NGEF: variants seen among roughly 807,000 people sequenced by gnomAD.
NGEF encodes the protein neuronal guanine nucleotide exchange factor.
A neutral mutation model predicts 80.9 loss-of-function variants in NGEF; 31 were observed. That is an observed-to-expected ratio of 0.38 (90% CI 0.29 to 0.52). NGEF has a LOEUF of 0.52. Among genes scored for constraint, NGEF ranks in the 20% least tolerant of loss-of-function variants. The pLI is 0.84. For synonymous variants in NGEF, 371 were observed against 370.2 expected (o/e 1.00, Z -0.03); for missense variants, 709 against 926.2 (o/e 0.77, Z 3.04).
chr2:232,891,000 C>A (rs949269434), intron 8 of NGEF: 2 of 483,102 alleles, frequency 4.1e-6, no homozygotes, highest in South Asian at 3.1e-5. Context: ...TCTACCTGCC[C>A]CCACCAGCTC....
chr2:232,905,212 C>T (rs1692468995), intron 5 of NGEF, among the ~76,000 whole-genome samples: 1 of 152,196 alleles, frequency 6.6e-6, no homozygotes, highest in South Asian at 2.1e-4. Context: ...CCTGATTGTC[C>T]TGCCTCAGCC....
chr2:232,954,797 G>A (rs548265805), intron 3 of NGEF, among the ~76,000 whole-genome samples: 1 of 151,970 alleles, frequency 6.6e-6, no homozygotes, highest in South Asian at 2.1e-4. Flanking sequence ...AGGGTGGCAG[G>A]TTGAGGAAGG....
Position 232,891,455 on chromosome 2 carries a change from G to A in NGEF, c.1175C>T (p.Ala392Val), listed in dbSNP as rs377471982. 75 of 1,613,180 alleles carry A rather than the reference G, an allele frequency of 4.6e-5. No individual in the cohort carries two copies. The highest frequency in any genetic ancestry group is 3.2e-4 in the African/African-American group (24 of 74,916). ...QEKAAFRELI[A>V]QLELDPKCRG... The stretch of plus-strand genomic sequence containing the variant: ...GCACTTGGGGTCGAGCTCTAGCTGC[G>A]CGATCAGCTCCCGGAAAGCTGCCTT... The change falls in exon 8 of 15, where the codon GCG becomes GTG. Residue 392 changes from alanine to valine, a missense_variant. Transcript: ENST00000264051.
intron 3 of NGEF, chr2:232,928,259 G>C (rs902237142): frequency 6.6e-6 from 5 of 762,770 alleles, no homozygotes; most frequent in Non-Finnish European, 7.9e-6. Context: ...CGGGGCGGGG[G>C]CGCCCGGGCT....
At chr2:232,987,026 T>C (rs1694545474) in intron 1 of NGEF, among the ~76,000 whole-genome samples, 1 of 151,558 alleles carries the variant, frequency 6.6e-6, no homozygotes, top group Admixed American at 6.6e-5. Flanking sequence ...TCTTTCTTTC[T>C]TTTTTTTTGA....
At chr2:232,881,828 C>T (rs538868333) in intron 13 of NGEF, among the ~76,000 whole-genome samples, 14 of 152,310 alleles carry the variant, frequency 9.2e-5, no homozygotes, top group African/African-American at 1.7e-4. Context: ...CCACCCGCCT[C>T]GGCCTCCCAA....
intron 9 of NGEF, 55 bp from the exon 10 acceptor site, chr2:232,885,424 TCCTC>T (rs1691646863): frequency 6.8e-7 from 1 of 1,478,544 alleles, no homozygotes; most frequent in African/African-American, 1.4e-5. Context: ...CCCGGCCCCT[TCCTC>T]CAGCTCGGTC....
intron 3 of NGEF, among the ~76,000 whole-genome samples, chr2:232,959,579 CTTTT>C (rs10663890): frequency 7.1e-6 from 1 of 139,934 alleles, no homozygotes; most frequent in Non-Finnish European, 1.5e-5. Flanking sequence ...CAGCAATGAC[CTTTT>C]TTTTTTTTTT....
intron 1 of NGEF, among the ~76,000 whole-genome samples, chr2:232,998,964 C>T (rs897975236): frequency 2.6e-5 from 4 of 152,160 alleles, no homozygotes; most frequent in African/African-American, 7.2e-5. Flanking sequence ...AGCATAACTG[C>T]GTGCCACACT....
intron 3 of NGEF, chr2:232,928,234 G>A: frequency 1.1e-6 from 1 of 942,814 alleles, no homozygotes; most frequent in Non-Finnish European, 1.3e-6. Flanking sequence ...CGGCGGGGGC[G>A]AGGCCGGGCG....
At chr2:232,907,433 A>G (rs1039676273) in intron 5 of NGEF, among the ~76,000 whole-genome samples, 1 of 152,224 alleles carries the variant, frequency 6.6e-6, no homozygotes, top group Non-Finnish European at 1.5e-5. Context: ...GATCTGATAC[A>G]GAAGTCACTG....
intron 1 of NGEF, among the ~76,000 whole-genome samples, chr2:233,010,899 G>A (rs1318969416): frequency 6.6e-6 from 1 of 152,148 alleles, no homozygotes; most frequent in Non-Finnish European, 1.5e-5. Context: ...GTGGTCCCAG[G>A]CCAAGGGAAG....
chr2:232,945,046 C>T (rs1693528004), intron 3 of NGEF, among the ~76,000 whole-genome samples: 1 of 151,986 alleles, frequency 6.6e-6, no homozygotes, highest in Admixed American at 6.5e-5. Context: ...GCCACCACGC[C>T]TGGCCTATAG....
chr2:232,926,275 C>G (rs1269051915), intron 4 of NGEF, among the ~76,000 whole-genome samples: 1 of 151,952 alleles, frequency 6.6e-6, no homozygotes, highest in Admixed American at 6.6e-5. Context: ...GTAAGGGAAC[C>G]TATATCATTC....
intron 6 of NGEF, 106 bp downstream of exon 6, chr2:232,894,650 T>C: frequency 9.2e-7 from 1 of 1,087,154 alleles, no homozygotes; most frequent in Non-Finnish European, 1.3e-6. Context: ...TCCAAACATC[T>C]GGAAGTAGAG....
intron 3 of NGEF, among the ~76,000 whole-genome samples, chr2:232,968,626 G>A (rs6725140): frequency 0.25 from 37,258 of 151,642 alleles, 5,119 homozygotes; most frequent in Non-Finnish European, 0.3. Flanking sequence ...GGCTGGTCTC[G>A]AACTCCTGAC....
At chr2:232,939,044 G>C (rs1693386993) in intron 3 of NGEF, among the ~76,000 whole-genome samples, 1 of 152,120 alleles carries the variant, frequency 6.6e-6, no homozygotes, top group Admixed American at 6.5e-5. Flanking sequence ...TGGGTATGGT[G>C]GTGGGCACCT....
In NGEF at chr2:232,970,110, T is replaced by C. The variant is rs76603378; in HGVS notation, c.383+104A>G. On this transcript the variant is annotated intron_variant, in intron 3 of 14. Coordinates refer to ENST00000264051, the MANE Select transcript of NGEF (RefSeq NM_019850.3). ...CACGGGCAACCAAAAGTTATTATTA[T>C]TTTTTTTAACATGACACCCTCGTAA... 0.1 allele frequency: 49,096 copies of C among 492,902 alleles called. 3,202 individuals are homozygous for C. Among genetic ancestry groups the C allele is most frequent in the Middle Eastern group, 0.19 (336 of 1,750 alleles). The allele number at this position is 492,902 out of a possible 1,614,324, so 30.5% of individuals were successfully genotyped here.
Position 232,970,199 on chromosome 2 carries a change from T to A in NGEF, c.383+15A>T. 6.8e-7 allele frequency: 1 copy of A among 1,467,822 alleles called. No homozygotes were observed. Among genetic ancestry groups the A allele is most frequent in the South Asian group, 1.2e-5 (1 of 80,348 alleles). 90.9% of individuals were successfully genotyped at this position (1,467,822 alleles called of 1,614,324 possible). On this transcript the variant is annotated intron_variant, in intron 3 of 14. Coordinates refer to ENST00000264051, the MANE Select transcript of NGEF (RefSeq NM_019850.3). ...TTTCCCAGACCAGCATTCCTCATGA[T>A]CTGCCATCTCTTACCTCATTTCCTG...
Sources: allele counts gnomAD v4.1 joint callset (sites outside exome capture counted in the v4.1 genomes callset), GRCh38; gene constraint gnomAD v4.1.1; transcripts MANE v1.5; gene names NCBI Gene and HGNC (gene_info 2026-07-23, HGNC 2026-07-21).